The following VPS13D variants were observed in gnomAD, a reference collection of about 807,000 sequenced individuals.
VPS13D encodes the protein vacuolar protein sorting 13 homolog D, also known as intermembrane lipid transfer protein VPS13D.
A neutral mutation model predicts 461.9 loss-of-function variants in VPS13D; 187 were observed. The ratio of observed to expected loss-of-function variants is 0.40; its 90% CI spans 0.36 to 0.46. The LOEUF is 0.46. VPS13D is among the 20% of genes least tolerant of loss of function. The probability of loss-of-function intolerance (pLI) is 0.60; values close to 1 mark genes in which losing one functional copy is unlikely to be tolerated. For synonymous variants in VPS13D, 1,951 were observed against 1,986.3 expected (o/e 0.98, Z 0.47); for missense variants, 4,711 against 5,364.9 (o/e 0.88, Z 3.81).
At chr1:12,278,200 G>C (rs1170378929) in intron 19 of VPS13D, among the ~76,000 whole-genome samples, 162 bp downstream of exon 19, 3 of 152,124 alleles carry the variant, frequency 2.0e-5, no homozygotes, top group African/African-American at 7.2e-5. Flanking sequence ...CTTGTAGTAG[G>C]TTGGCATGTT....
Position 12,459,166 on chromosome 1 carries a change from G to C in VPS13D, c.12467-1035G>C, listed in dbSNP as rs1179740932. Among the ~76,000 whole-genome samples, 3 of 152,124 alleles carry C rather than the reference G, an allele frequency of 2.0e-5. No homozygotes were observed. In the East Asian group the frequency reaches 5.8e-4, roughly 29 times the overall value. ...CCAACCATGGATGGAAAATATTTGG[G>C]GGGAAAAAAGATTTCACGAAGTGCC... On this transcript the variant is annotated intron_variant, in intron 66 of 69. Transcript: ENST00000620676.
chr1:12,416,075 C>T (rs143225936), intron 64 of VPS13D, among the ~76,000 whole-genome samples: 11 of 152,262 alleles, frequency 7.2e-5, no homozygotes, highest in South Asian at 6.2e-4. Context: ...GTCCCAGCTA[C>T]GGGAGGCTGA....
intron 18 of VPS13D, among the ~76,000 whole-genome samples, chr1:12,275,005 G>T (rs1199490313): frequency 6.6e-6 from 1 of 152,106 alleles, no homozygotes; most frequent in Non-Finnish European, 1.5e-5. Flanking sequence ...GATCACCTGA[G>T]GTCAGGAGTT....
At chr1:12,458,300 T>C (rs1424628835) in intron 66 of VPS13D, among the ~76,000 whole-genome samples, 1 of 152,180 alleles carries the variant, frequency 6.6e-6, no homozygotes. Context: ...GGAATTGTGC[T>C]CAGTTCTCTC....
At chr1:12,359,861 C>T (rs1240117776) in intron 50 of VPS13D, among the ~76,000 whole-genome samples, 2 of 152,220 alleles carry the variant, frequency 1.3e-5, no homozygotes, top group East Asian at 1.9e-4. Flanking sequence ...CTTTCGTTTG[C>T]TCCACCCTTT....
At chr1:12,500,293 AATTGTC>A in intron 68 of VPS13D, 1 of 904,642 alleles carries the variant, frequency 1.1e-6, no homozygotes, top group Non-Finnish European at 1.3e-6. Context: ...TAAGTTGCAC[AATTGTC>A]ATTGCTTCCC....
At chr1:12,317,527 A>G (rs1269835737) in intron 30 of VPS13D, among the ~76,000 whole-genome samples, 1 of 151,734 alleles carries the variant, frequency 6.6e-6, no homozygotes, top group African/African-American at 2.4e-5. Context: ...GCCTCTACCT[A>G]TACTAGATAG....
At chr1:12,238,082 C>T (rs1372478347) in intron 2 of VPS13D, among the ~76,000 whole-genome samples, 3 of 150,828 alleles carry the variant, frequency 2.0e-5, no homozygotes, top group Non-Finnish European at 4.4e-5. Flanking sequence ...TTGCAGTGTG[C>T]TGTGGAGGCT....
Position 12,277,376 on chromosome 1 carries a change from A to T in VPS13D, c.3788A>T (p.Asp1263Val), listed in dbSNP as rs772868326. 8 of 1,614,108 alleles carry T rather than the reference A, an allele frequency of 5.0e-6. No individual in the cohort carries two copies. The highest frequency in any genetic ancestry group is 5.1e-6 in the Non-Finnish European group (6 of 1,180,048). ...YFESVFVRME[D>V]AALTEALSFT... ...GAATCTGTGTTTGTCAGAATGGAAG[A>T]TGCAGCCCTCACTGAAGCTTTGAGT... Residue 1263 changes from aspartate to valine, a missense_variant, in exon 19 of 70, where the codon GAT (aspartate) becomes GTT (valine). This residue lies in a region of VPS13D where 4,411 missense variants were observed against 4,937.8 expected (regional missense o/e 0.89). Coordinates refer to ENST00000620676, the MANE Select transcript of VPS13D (RefSeq NM_015378.4).
chr1:12,466,812 T>A (rs1191332715), intron 67 of VPS13D, among the ~76,000 whole-genome samples: 1 of 152,252 alleles, frequency 6.6e-6, no homozygotes, highest in Non-Finnish European at 1.5e-5. Context: ...CATGTCAGTT[T>A]CATCACGAAA....
At chr1:12,292,344 T>TC (rs1361977574) in intron 23 of VPS13D, among the ~76,000 whole-genome samples, 1 of 151,162 alleles carries the variant, frequency 6.6e-6, no homozygotes, top group Non-Finnish European at 1.5e-5. Context: ...TTTTTTTTCT[T>TC]TTTTTTAATC....
intron 34 of VPS13D, among the ~76,000 whole-genome samples, chr1:12,323,147 G>A (rs1329313483): frequency 6.6e-6 from 1 of 152,144 alleles, no homozygotes; most frequent in Admixed American, 6.5e-5. Flanking sequence ...ATAGCTTATT[G>A]CAGCCTCAAA....
intron 66 of VPS13D, among the ~76,000 whole-genome samples, chr1:12,456,454 A>G (rs970067001): frequency 6.6e-6 from 1 of 152,036 alleles, no homozygotes; most frequent in Non-Finnish European, 1.5e-5. Context: ...TCTGGCCAAC[A>G]TGGTGGAACC....
intron 65 of VPS13D, among the ~76,000 whole-genome samples, chr1:12,433,115 A>G (rs1223077256): frequency 5.3e-5 from 8 of 152,122 alleles, no homozygotes; most frequent in Admixed American, 1.3e-4. Flanking sequence ...GCCAGGGGCC[A>G]CCCTCTTGTT....
At chr1:12,260,368 C>T (rs1641070230) in intron 10 of VPS13D, among the ~76,000 whole-genome samples, 1 of 152,108 alleles carries the variant, frequency 6.6e-6, no homozygotes, top group South Asian at 2.1e-4. Context: ...GTTCTTCGCT[C>T]CCTCTCCATT....
intron 1 of VPS13D, among the ~76,000 whole-genome samples, chr1:12,232,055 T>A (rs146008392): frequency 0.01 from 1,555 of 152,276 alleles, 13 homozygotes; most frequent in African/African-American, 0.024. Flanking sequence ...GCATTTTTTT[T>A]AAAAAATTGT....
intron 37 of VPS13D, among the ~76,000 whole-genome samples, chr1:12,330,236 C>T (rs796845697): frequency 5.3e-5 from 8 of 152,058 alleles, no homozygotes; most frequent in South Asian, 2.1e-4. Flanking sequence ...GCCAATGTGG[C>T]GAAACCCTGT....
At chr1:12,443,618 T>G (rs925570848) in intron 65 of VPS13D, among the ~76,000 whole-genome samples, 12 of 152,180 alleles carry the variant, frequency 7.9e-5, no homozygotes, top group Admixed American at 7.2e-4. Flanking sequence ...TTTTTTGCTG[T>G]TATTGTCATG....
chr1:12,468,468 G>A (rs78141276), intron 67 of VPS13D, among the ~76,000 whole-genome samples: 2,094 of 152,300 alleles, frequency 0.014, 26 homozygotes, highest in Middle Eastern at 0.065. Context: ...GCTTTAGACT[G>A]TAAGATAATT....
Sources: gnomAD v4.1 joint callset for allele counts (sites outside exome capture counted in the v4.1 genomes callset) on GRCh38, gnomAD v4.1.1 for gene constraint, gnomAD v4.1.1 regional missense constraint, MANE v1.5 for transcripts, NCBI Gene and HGNC (gene_info 2026-07-23, HGNC 2026-07-21) for gene names.